MSI2: variants seen among roughly 807,000 people sequenced by gnomAD.
MSI2 encodes RNA-binding protein Musashi homolog 2.
MSI2 carries 17 observed loss-of-function variants against 45.6 expected under a neutral mutation model. That is an observed-to-expected ratio of 0.37 (90% CI 0.26 to 0.56). The LOEUF is 0.56. MSI2 is among the 20% of genes least tolerant of loss of function. The pLI is 0.77. For synonymous variants in MSI2, 156 were observed against 158.2 expected (o/e 0.99, Z 0.11); for missense variants, 293 against 444.2 (o/e 0.66, Z 3.06).
At chr17:57,460,471 G>A (rs968899505) in intron 6 of MSI2, among the ~76,000 whole-genome samples, 2 of 151,952 alleles carry the variant, frequency 1.3e-5, no homozygotes, top group Non-Finnish European at 2.9e-5. Flanking sequence ...AGGGAAAGTG[G>A]AAAAGAAAAG....
chr17:57,566,314 G>C (rs1421670644), intron 7 of MSI2, among the ~76,000 whole-genome samples: 1 of 152,146 alleles, frequency 6.6e-6, no homozygotes, highest in East Asian at 1.9e-4. Context: ...TTGATTAAAT[G>C]GTCTGCGAAG....
chr17:57,551,415 T>A (rs1047818721), intron 7 of MSI2, among the ~76,000 whole-genome samples: 4 of 152,080 alleles, frequency 2.6e-5, no homozygotes, highest in Admixed American at 2.6e-4. Context: ...GGCGGAGGTC[T>A]GTAGGTGGAG....
intron 6 of MSI2, among the ~76,000 whole-genome samples, chr17:57,455,346 A>AT (rs1483190007): frequency 3.9e-5 from 6 of 152,198 alleles, no homozygotes; most frequent in African/African-American, 1.4e-4. Flanking sequence ...GGCAGCCATC[A>AT]TAAGACTTGA....
chr17:57,509,868 G>A (rs774282069), intron 6 of MSI2, among the ~76,000 whole-genome samples: 4 of 151,986 alleles, frequency 2.6e-5, no homozygotes, highest in South Asian at 2.1e-4. Flanking sequence ...CATCCTTTAC[G>A]ATTAGTGTCA....
intron 8 of MSI2, among the ~76,000 whole-genome samples, chr17:57,605,990 C>T (rs577222830): frequency 4.6e-5 from 7 of 152,342 alleles, no homozygotes; most frequent in Non-Finnish European, 1.5e-5. Flanking sequence ...AAAAGGAGGA[C>T]AGCTGCTGCT....
chr17:57,471,130 C>T (rs776329593), intron 6 of MSI2, among the ~76,000 whole-genome samples: 4 of 152,136 alleles, frequency 2.6e-5, no homozygotes, highest in African/African-American at 4.8e-5. Flanking sequence ...ACCCTACCCC[C>T]TACTCTTTTG....
intron 6 of MSI2, among the ~76,000 whole-genome samples, chr17:57,453,305 G>A (rs758863414): frequency 6.6e-6 from 1 of 152,032 alleles, no homozygotes; most frequent in South Asian, 2.1e-4. Context: ...CTGGCCTGAG[G>A]GGCTTCTTGC....
At chr17:57,419,810 T>A (rs9896672) in intron 6 of MSI2, among the ~76,000 whole-genome samples, 148,089 of 152,284 alleles carry the variant, frequency 0.97, 72,126 homozygotes, top group East Asian at 1. Context: ...CTGAGGCTCA[T>A]GAATAACATT....
intron 5 of MSI2, among the ~76,000 whole-genome samples, chr17:57,357,498 G>T (rs1163569940): frequency 2.0e-5 from 3 of 152,184 alleles, no homozygotes; most frequent in African/African-American, 7.2e-5. Context: ...CAGACCTTGT[G>T]CTTTCTTGGC....
intron 5 of MSI2, among the ~76,000 whole-genome samples, chr17:57,331,505 G>A (rs1186743358): frequency 6.6e-6 from 1 of 152,190 alleles, no homozygotes; most frequent in Admixed American, 6.5e-5. Context: ...CCATGGGTGA[G>A]CCACGTGAGG....
intron 5 of MSI2, among the ~76,000 whole-genome samples, chr17:57,400,993 A>G (rs1197450014): frequency 6.6e-6 from 1 of 152,140 alleles, no homozygotes. Flanking sequence ...TCTTATTGAC[A>G]GGTTTTGTGG....
chr17:57,617,290 A>T (rs1355527590), intron 9 of MSI2, among the ~76,000 whole-genome samples: 1 of 152,220 alleles, frequency 6.6e-6, no homozygotes. Flanking sequence ...AATTTTTTTA[A>T]ATTGGCCAGA....
chr17:57,320,354 T>A (rs1913233785), intron 5 of MSI2, among the ~76,000 whole-genome samples: 1 of 151,510 alleles, frequency 6.6e-6, no homozygotes, highest in South Asian at 2.1e-4. Context: ...GGGAGGAGAG[T>A]TATTTTTATT....
intron 7 of MSI2, among the ~76,000 whole-genome samples, chr17:57,593,785 C>T (rs766399167): frequency 4.6e-5 from 7 of 152,094 alleles, no homozygotes; most frequent in African/African-American, 1.7e-4. Flanking sequence ...GGTGCCTGGG[C>T]GTGGGGGCTG....
At chr17:57,317,633 C>G (rs1912963948) in intron 5 of MSI2, among the ~76,000 whole-genome samples, 1 of 151,772 alleles carries the variant, frequency 6.6e-6, no homozygotes, top group Non-Finnish European at 1.5e-5. Context: ...GCCTCAGCCC[C>G]CCATGTAGCT....
At chr17:57,632,546 G>T in intron 10 of MSI2, 1 of 1,067,042 alleles carries the variant, frequency 9.4e-7, no homozygotes, top group Non-Finnish European at 1.1e-6. Flanking sequence ...GTGCTGGCCT[G>T]GCCTTGCCTG....
chr17:57,327,652 A>G (rs1335710464), intron 5 of MSI2, among the ~76,000 whole-genome samples: 1 of 152,082 alleles, frequency 6.6e-6, no homozygotes, highest in Admixed American at 6.5e-5. Context: ...ACAAAACAGG[A>G]TTGATTGTGT....
intron 5 of MSI2, among the ~76,000 whole-genome samples, chr17:57,375,907 GCTCA>G (rs1394190658): frequency 6.6e-6 from 1 of 152,212 alleles, no homozygotes; most frequent in Non-Finnish European, 1.5e-5. Flanking sequence ...GTTAGCCGAT[GCTCA>G]CTCTGACCGC....
intron 6 of MSI2, among the ~76,000 whole-genome samples, chr17:57,455,069 C>T (rs148872848): frequency 1.9e-3 from 282 of 152,314 alleles, no homozygotes; most frequent in African/African-American, 6.3e-3. Context: ...TCTTACAGAG[C>T]GCCTAGCTCT....
Sources: allele counts gnomAD v4.1 joint callset (sites outside exome capture counted in the v4.1 genomes callset), GRCh38; gene constraint gnomAD v4.1.1; transcripts MANE v1.5; gene names NCBI Gene and HGNC (gene_info 2026-07-23, HGNC 2026-07-21).